The following DMD variants were observed in gnomAD, a reference collection of about 807,000 sequenced individuals.
The protein encoded by DMD is dystrophin.
Under a neutral mutation model 330.1 loss-of-function variants are expected in DMD, and 63 were observed. The observed-to-expected ratio is 0.19, with a 90% CI of 0.16 to 0.24. The LOEUF is 0.24. Among genes scored for constraint, DMD ranks in the 10% least tolerant of loss-of-function variants. The pLI, the probability that DMD is intolerant of heterozygous loss-of-function variation, is 1.00. For synonymous variants in DMD, 1,223 were observed against 959.8 expected (o/e 1.27, Z -5.07); for missense variants, 3,344 against 2,684.1 (o/e 1.25, Z -5.43).
intron 1 of DMD, among the ~76,000 whole-genome samples, chrX:33,079,964 A>G (rs5972746): frequency 0.03 from 3,330 of 112,131 alleles, 127 homozygotes; most frequent in African/African-American, 0.1. Context: ...TTTTAACGTT[A>G]CAAAAAAATC....
chrX:31,403,074 G>T (rs2061262291), intron 60 of DMD, among the ~76,000 whole-genome samples: 1 of 111,901 alleles, frequency 8.9e-6, no homozygotes, highest in African/African-American at 3.2e-5. Context: ...AGACATAGAA[G>T]AATTACTTTT....
intron 43 of DMD, among the ~76,000 whole-genome samples, chrX:32,249,541 T>G (rs1569553258): frequency 9.0e-6 from 1 of 111,456 alleles, no homozygotes; most frequent in Non-Finnish European, 1.9e-5. Context: ...CATAGCTGTA[T>G]TATGCCTATT....
At chrX:32,843,069 C>G (rs973808107) in intron 4 of DMD, among the ~76,000 whole-genome samples, 1 of 111,898 alleles carries the variant, frequency 8.9e-6, no homozygotes, top group South Asian at 3.7e-4. Context: ...CGGCCTCCCA[C>G]AGTGCTGGGA....
intron 1 of DMD, among the ~76,000 whole-genome samples, chrX:33,079,117 G>T (rs1487895347): frequency 2.7e-5 from 3 of 111,301 alleles, no homozygotes; most frequent in Non-Finnish European, 5.7e-5. Context: ...CGCAACCTCC[G>T]CCTCCTAGGT....
rs373799098 is a variant in DMD at position 33,118,112 on chromosome X, CT to C, written c.31+93169del. 4.5e-4 allele frequency among the ~76,000 whole-genome samples: 41 copies of C among 90,382 alleles called. 1 individual carries two copies. The highest frequency in any genetic ancestry group is 1.2e-3 in the African/African-American group (30 of 24,533). 78.5% of individuals were successfully genotyped at this position (90,382 alleles called of 115,157 possible). Reference sequence around the variant, plus strand: ...GTTCAGGCTGAACAAGTTCAAGACTCTTTTTTTTTTTTTTTTGAGACGGAGT... The same window carrying C: ...GTTCAGGCTGAACAAGTTCAAGACTCTTTTTTTTTTTTTTTGAGACGGAGT... On this transcript the variant is annotated intron_variant, in intron 1 of 78. Coordinates refer to ENST00000357033, the MANE Select transcript of DMD (RefSeq NM_004006.3).
At chrX:31,643,856 T>C (rs934434592) in intron 54 of DMD, among the ~76,000 whole-genome samples, 3 of 112,046 alleles carry the variant, frequency 2.7e-5, no homozygotes, top group African/African-American at 6.5e-5. Flanking sequence ...CTCATATATA[T>C]GTATATGGAG....
intron 1 of DMD, among the ~76,000 whole-genome samples, chrX:33,034,776 TGA>T (rs1283907942): frequency 8.9e-6 from 1 of 112,251 alleles, no homozygotes; most frequent in African/African-American, 3.2e-5. Context: ...GCTTACTGGC[TGA>T]GTTTTCTCAA....
At chrX:32,546,743 T>C (rs895963513) in intron 16 of DMD, among the ~76,000 whole-genome samples, 1 of 110,604 alleles carries the variant, frequency 9.0e-6, no homozygotes, top group African/African-American at 3.3e-5. Context: ...CTCTAGGATC[T>C]CCATAGATTC....
At chrX:32,933,010 C>T (rs953254969) in intron 2 of DMD, among the ~76,000 whole-genome samples, 4 of 111,550 alleles carry the variant, frequency 3.6e-5, no homozygotes, top group Non-Finnish European at 3.8e-5. Context: ...CTTATCCAAA[C>T]GTATATGGCT....
chrX:32,000,233 T>C (rs2095616552), intron 44 of DMD, among the ~76,000 whole-genome samples: 1 of 112,159 alleles, frequency 8.9e-6, no homozygotes, highest in Admixed American at 9.5e-5. Flanking sequence ...AGTTGCATAG[T>C]ACTCTGACTC....
chrX:31,431,066 G>A (rs965870753), intron 60 of DMD, among the ~76,000 whole-genome samples: 1 of 109,194 alleles, frequency 9.2e-6, no homozygotes, highest in Non-Finnish European at 1.9e-5. Context: ...TCCCAAAGTG[G>A]TGGGATTACA....
intron 1 of DMD, among the ~76,000 whole-genome samples, chrX:33,073,169 G>C (rs1003079868): frequency 1.8e-5 from 2 of 111,703 alleles, no homozygotes; most frequent in African/African-American, 3.3e-5. Flanking sequence ...TTTGGTGCAA[G>C]GTGGTTTAAT....
chrX:32,078,413 C>A (rs1403200550), intron 44 of DMD, among the ~76,000 whole-genome samples: 1 of 111,888 alleles, frequency 8.9e-6, no homozygotes, highest in Non-Finnish European at 1.9e-5. Flanking sequence ...ACTTTCACCC[C>A]CTACATTCCG....
intron 12 of DMD, among the ~76,000 whole-genome samples, chrX:32,607,347 A>T (rs1210428938): frequency 9.0e-6 from 1 of 110,616 alleles, no homozygotes; most frequent in African/African-American, 3.3e-5. Context: ...ATAACTTGGT[A>T]ATCACATTAT....
At chrX:33,280,688 TGCA>T (rs748494182) in intron 1 of DMD, among the ~76,000 whole-genome samples, 15 of 111,903 alleles carry the variant, frequency 1.3e-4, no homozygotes, top group Non-Finnish European at 2.4e-4. Flanking sequence ...ATTAAATATG[TGCA>T]GATTTTTGTA....
intron 51 of DMD, among the ~76,000 whole-genome samples, chrX:31,733,940 C>T (rs759255733): frequency 8.2e-4 from 91 of 111,429 alleles, no homozygotes; most frequent in African/African-American, 2.8e-3. Flanking sequence ...GCACCTCCAT[C>T]GGTAACTTCT....
intron 64 of DMD, among the ~76,000 whole-genome samples, chrX:31,221,974 C>T (rs769006186): frequency 9.0e-6 from 1 of 110,879 alleles, no homozygotes; most frequent in East Asian, 2.8e-4. Context: ...GGGCGGATCA[C>T]AAGGTCAGGA....
At position 32,644,317 on chromosome X, in the gene DMD, A is replaced by T. The variant is rs794727031; in HGVS notation, c.1150-4T>A. 8.3e-6 allele frequency: 10 copies of T among 1,207,690 alleles called. No homozygotes were observed. The highest frequency in any genetic ancestry group is 1.0e-5 in the Non-Finnish European group (9 of 893,616). ...CTGTCAAATCCATCATGTACCCCTG[A>T]CAAAGAAGGAAGTTAACAATTGTAA... On this transcript the variant is annotated splice_polypyrimidine_tract_variant and splice_region_variant and intron_variant, in intron 10 of 78. Coordinates refer to ENST00000357033, the MANE Select transcript of DMD (RefSeq NM_004006.3).
chrX:32,276,955 AAG>A (rs2097391931), intron 43 of DMD, among the ~76,000 whole-genome samples: 1 of 111,012 alleles, frequency 9.0e-6, no homozygotes, highest in African/African-American at 3.3e-5. Context: ...ATAGAAAAAA[AAG>A]AGAGAGAAGA....
Sources: gnomAD v4.1 joint callset for allele counts (sites outside exome capture counted in the v4.1 genomes callset) on GRCh38, gnomAD v4.1.1 for gene constraint, MANE v1.5 for transcripts, NCBI Gene and HGNC (gene_info 2026-07-23, HGNC 2026-07-21) for gene names.